Variants in SLC39A11 observed in about 807,000 individuals in gnomAD.
SLC39A11 encodes zinc transporter ZIP11.
SLC39A11 carries 33 observed loss-of-function variants against 36.1 expected under a neutral mutation model. The ratio of observed to expected loss-of-function variants is 0.91; its 90% CI spans 0.69 to 1.22. The LOEUF is 1.22. SLC39A11 is among the 50% of genes most tolerant of loss of function. The pLI, the probability that SLC39A11 is intolerant of heterozygous loss-of-function variation, is 0.00. For missense variants in SLC39A11, 432 were observed against 430.3 expected, an observed-to-expected ratio of 1.00 and a Z score of -0.03; for synonymous variants, 166 against 170.3, an observed-to-expected ratio of 0.97 and a Z score of 0.20.
intron 4 of SLC39A11, among the ~76,000 whole-genome samples, chr17:72,990,730 T>C (rs868246073): frequency 2.0e-5 from 3 of 152,086 alleles, no homozygotes; most frequent in South Asian, 2.1e-4. Context: ...GCCTGTCCCA[T>C]ATCAGGATTT....
At chr17:73,085,310 C>A (rs1248718884) in intron 2 of SLC39A11, among the ~76,000 whole-genome samples, 1 of 151,608 alleles carries the variant, frequency 6.6e-6, no homozygotes, top group Non-Finnish European at 1.5e-5. Context: ...AGTTCAAGAC[C>A]AGCCTAGCCA....
chr17:72,900,820 T>C (rs964180469), intron 5 of SLC39A11, among the ~76,000 whole-genome samples: 1 of 152,138 alleles, frequency 6.6e-6, no homozygotes, highest in Admixed American at 6.5e-5. Flanking sequence ...AAGCAGACAC[T>C]AATCATGAAA....
intron 4 of SLC39A11, among the ~76,000 whole-genome samples, chr17:73,018,897 A>C (rs187063857): frequency 2.6e-5 from 4 of 152,302 alleles, no homozygotes; most frequent in Admixed American, 2.6e-4. Context: ...ACAAAGGCAT[A>C]ACAGAGTCAA....
intron 4 of SLC39A11, among the ~76,000 whole-genome samples, chr17:72,989,648 T>C (rs2089028141): frequency 1.3e-5 from 2 of 152,342 alleles, no homozygotes; most frequent in East Asian, 1.9e-4. Context: ...TCACCTTCCA[T>C]AGTTTATCAA....
chr17:72,922,991 C>CAAAAAAAA (rs2083783150), intron 5 of SLC39A11, among the ~76,000 whole-genome samples: 1 of 75,746 alleles, frequency 1.3e-5, no homozygotes, highest in African/African-American at 4.0e-5. Context: ...AAAAAAAAAA[C>CAAAAAAAA]ACACAGAAAA....
At chr17:73,079,576 G>A (rs377761598) in intron 3 of SLC39A11, among the ~76,000 whole-genome samples, 1 of 152,122 alleles carries the variant, frequency 6.6e-6, no homozygotes. Context: ...TTCCCCCTGG[G>A]AAATGGAACA....
intron 5 of SLC39A11, among the ~76,000 whole-genome samples, chr17:72,884,211 C>T (rs1424321304): frequency 1.3e-5 from 2 of 152,204 alleles, no homozygotes; most frequent in Non-Finnish European, 2.9e-5. Flanking sequence ...TGCCCCTGGG[C>T]CTGCTAGGCT....
At chr17:73,034,996 T>C (rs1374066912) in intron 3 of SLC39A11, among the ~76,000 whole-genome samples, 2 of 152,202 alleles carry the variant, frequency 1.3e-5, no homozygotes, top group Non-Finnish European at 2.9e-5. Flanking sequence ...AGGATCCAGC[T>C]GGATTTCCTT....
intron 7 of SLC39A11, among the ~76,000 whole-genome samples, chr17:72,726,322 C>T (rs560748832): frequency 8.5e-5 from 13 of 152,302 alleles, no homozygotes; most frequent in African/African-American, 2.9e-4. Flanking sequence ...ACAATGAAGT[C>T]TCCTTTGTAA....
At chr17:72,989,436 T>C (rs9907475) in intron 4 of SLC39A11, among the ~76,000 whole-genome samples, 73,915 of 152,104 alleles carry the variant, frequency 0.49, 19,247 homozygotes, top group Middle Eastern at 0.69. Flanking sequence ...ACAGCGAGGG[T>C]ATAAATATTC....
At chr17:72,981,911 G>A (rs570752188) in intron 4 of SLC39A11, among the ~76,000 whole-genome samples, 1 of 152,222 alleles carries the variant, frequency 6.6e-6, no homozygotes, top group Non-Finnish European at 1.5e-5. Flanking sequence ...AATACAAACA[G>A]CTTTGAAACA....
chr17:73,081,660 C>CAT (rs1568242755), intron 3 of SLC39A11, among the ~76,000 whole-genome samples: 14,271 of 79,844 alleles, frequency 0.18, 2,101 homozygotes, highest in South Asian at 0.26. Flanking sequence ...CACACACACA[C>CAT]ACACACACAC....
chr17:72,891,343 C>T (rs963138612), intron 5 of SLC39A11, among the ~76,000 whole-genome samples: 1 of 152,184 alleles, frequency 6.6e-6, no homozygotes, highest in African/African-American at 2.4e-5. Flanking sequence ...ATCGCTTGAA[C>T]CCGGGAGGTG....
chr17:73,044,878 G>GAAA (rs11298701), intron 3 of SLC39A11, among the ~76,000 whole-genome samples: 1 of 119,026 alleles, frequency 8.4e-6, no homozygotes. Context: ...CTCTGTCTCA[G>GAAA]AAAAAAAAAA....
intron 6 of SLC39A11, among the ~76,000 whole-genome samples, chr17:72,748,572 G>C (rs1458208418): frequency 6.6e-6 from 1 of 152,198 alleles, no homozygotes; most frequent in East Asian, 1.9e-4. Flanking sequence ...CCAGCAGACT[G>C]CGAAGACACA....
At chr17:72,770,848 A>T (rs2075908684) in intron 6 of SLC39A11, among the ~76,000 whole-genome samples, 1 of 152,208 alleles carries the variant, frequency 6.6e-6, no homozygotes, top group Non-Finnish European at 1.5e-5. Context: ...CATTCAATAC[A>T]TGTGTAATAA....
intron 3 of SLC39A11, chr17:73,068,104 C>T: frequency 2.8e-6 from 4 of 1,413,056 alleles, no homozygotes; most frequent in South Asian, 1.2e-5. Flanking sequence ...GAGTATCTCC[C>T]ACAGCCTTTA....
chr17:72,977,390 T>C (rs1321647442), intron 4 of SLC39A11, among the ~76,000 whole-genome samples: 1 of 152,182 alleles, frequency 6.6e-6, no homozygotes, highest in Admixed American at 6.5e-5. Flanking sequence ...CTCTGACCTA[T>C]GGAGTTTTGA....
intron 6 of SLC39A11, among the ~76,000 whole-genome samples, chr17:72,774,468 A>G (rs1166528526): frequency 6.6e-6 from 1 of 152,222 alleles, no homozygotes; most frequent in African/African-American, 2.4e-5. Context: ...GCTTCATTTT[A>G]CAAAACAGTA....
Sources: allele counts gnomAD v4.1 joint callset (sites outside exome capture counted in the v4.1 genomes callset), GRCh38; gene constraint gnomAD v4.1.1; transcripts MANE v1.5; gene names NCBI Gene and HGNC (gene_info 2026-07-23, HGNC 2026-07-21).